The following NRG3 variants were observed in gnomAD, a reference collection of about 807,000 sequenced individuals.
The protein encoded by NRG3 is neuregulin 3, also known as pro-neuregulin-3, membrane-bound isoform.
In NRG3, 31 loss-of-function variants were observed where a neutral mutation model predicts 66.9. The observed-to-expected ratio is 0.46, with a 90% CI of 0.35 to 0.63. The LOEUF (loss-of-function observed/expected upper bound fraction) is 0.63. NRG3 is among the 20% of genes least tolerant of loss of function. NRG3 has a pLI of 0.00. For synonymous variants in NRG3, 393 were observed against 359.4 expected, an observed-to-expected ratio of 1.09 and a Z score of -1.06; for missense variants, 910 against 878.9, an observed-to-expected ratio of 1.04 and a Z score of -0.45.
Position 82,722,592 on chromosome 10 carries a change from C to G in NRG3, c.954-15985C>G, listed in dbSNP as rs546542244. 2.6e-4 allele frequency among the ~76,000 whole-genome samples: 40 copies of G among 152,214 alleles called. No individual in the cohort carries two copies. The South Asian group carries it at 8.3e-3, about 32-fold the overall frequency. On this transcript the variant is annotated intron_variant, in intron 2 of 8. Coordinates refer to ENST00000372141, the MANE Select transcript of NRG3 (RefSeq NM_001010848.4). Reference sequence around the variant, plus strand: ...ATTTTTCTGCTCCAAGCCCCCACCCCTAATCTCCTCATTCACACCCTGAGC... The same window carrying G: ...ATTTTTCTGCTCCAAGCCCCCACCCGTAATCTCCTCATTCACACCCTGAGC...
intron 1 of NRG3, among the ~76,000 whole-genome samples, chr10:82,115,302 C>A (rs2132290951): frequency 6.6e-6 from 1 of 152,198 alleles, no homozygotes; most frequent in Non-Finnish European, 1.5e-5. Context: ...CCAAGAGGCC[C>A]CTTCAAGTAT....
intron 1 of NRG3, among the ~76,000 whole-genome samples, chr10:81,993,469 C>T (rs939461733): frequency 6.6e-6 from 1 of 152,102 alleles, no homozygotes; most frequent in African/African-American, 2.4e-5. Context: ...GCCTTAGCCT[C>T]CTGAGTAGGT....
chr10:82,493,723 C>T (rs1843363714), intron 2 of NRG3, among the ~76,000 whole-genome samples: 1 of 152,128 alleles, frequency 6.6e-6, no homozygotes, highest in South Asian at 2.1e-4. Flanking sequence ...AAAGCAATTG[C>T]AGCAAAAGCA....
At chr10:82,455,648 T>A (rs2091233681) in intron 2 of NRG3, among the ~76,000 whole-genome samples, 1 of 149,742 alleles carries the variant, frequency 6.7e-6, no homozygotes, top group South Asian at 2.1e-4. Flanking sequence ...GGAGTCTCAC[T>A]CTGTCGCCCA....
chr10:82,642,399 A>C (rs1477846946), intron 2 of NRG3, among the ~76,000 whole-genome samples: 2 of 152,126 alleles, frequency 1.3e-5, no homozygotes, highest in Non-Finnish European at 2.9e-5. Context: ...GTTAACATCA[A>C]TAAAACAGAG....
In NRG3 at chr10:82,242,426, G is replaced by C. The variant is rs557677864; in HGVS notation, c.824-116313G>C. Among the ~76,000 whole-genome samples, 14 of 152,302 alleles carry C rather than the reference G, an allele frequency of 9.2e-5. No homozygotes were observed. In the South Asian group the frequency reaches 2.9e-3, roughly 32 times the overall value. ...GGGACAAAGAACATTTCTGTAAATA[G>C]AACAGGCAATGATATTTGCCCATCT... On this transcript the variant is annotated intron_variant, in intron 1 of 8. Coordinates refer to ENST00000372141, the MANE Select transcript of NRG3 (RefSeq NM_001010848.4).
intron 4 of NRG3, among the ~76,000 whole-genome samples, chr10:82,938,911 TG>T (rs1281036071): frequency 6.6e-6 from 1 of 151,774 alleles, no homozygotes; most frequent in Admixed American, 6.6e-5. Flanking sequence ...GGGTAAGGAG[TG>T]GGGGACAGCT....
At chr10:82,273,811 AGTT>A (rs2078714681) in intron 1 of NRG3, among the ~76,000 whole-genome samples, 1 of 152,032 alleles carries the variant, frequency 6.6e-6, no homozygotes, top group South Asian at 2.1e-4. Context: ...AAATGCCACA[AGTT>A]GTTTTTTTCT....
At chr10:82,788,332 G>T (rs995358319) in intron 3 of NRG3, among the ~76,000 whole-genome samples, 3 of 152,172 alleles carry the variant, frequency 2.0e-5, no homozygotes, top group African/African-American at 7.2e-5. Context: ...CATTTTGGGA[G>T]GCCAAGGTGG....
At chr10:82,023,230 A>T (rs2062141301) in intron 1 of NRG3, among the ~76,000 whole-genome samples, 1 of 151,912 alleles carries the variant, frequency 6.6e-6, no homozygotes, top group African/African-American at 2.4e-5. Context: ...CATTTTACTG[A>T]ATTCATTTAT....
chr10:82,348,750 G>A (rs943659569), intron 1 of NRG3, among the ~76,000 whole-genome samples: 3 of 151,048 alleles, frequency 2.0e-5, no homozygotes, highest in Non-Finnish European at 4.4e-5. Context: ...CATATTTCTT[G>A]GAGGCTTTGC....
At chr10:81,980,105 T>C (rs953594926) in intron 1 of NRG3, among the ~76,000 whole-genome samples, 1 of 152,234 alleles carries the variant, frequency 6.6e-6, no homozygotes, top group Non-Finnish European at 1.5e-5. Context: ...CACTTATCTA[T>C]TCCGTTTGAA....
intron 1 of NRG3, among the ~76,000 whole-genome samples, chr10:82,025,408 G>A (rs1279889725): frequency 2.8e-5 from 4 of 143,848 alleles, no homozygotes; most frequent in African/African-American, 1.2e-4. Flanking sequence ...GTTCTACTTT[G>A]GAACATGAGT....
chr10:82,822,577 G>A (rs1383140217), intron 3 of NRG3, among the ~76,000 whole-genome samples: 3 of 152,254 alleles, frequency 2.0e-5, no homozygotes, highest in African/African-American at 7.2e-5. Flanking sequence ...CCTGAGGCAG[G>A]CTCAAGTGGA....
rs539348666 is a variant in NRG3, at chr10:82,486,997, A to G, written c.953+128129A>G. On this transcript the variant is annotated intron_variant, in intron 2 of 8. Coordinates refer to ENST00000372141, the MANE Select transcript of NRG3 (RefSeq NM_001010848.4). ...AGATCTTCTGTAAACCATTGTGCTTATAGTTAACAATACTGTACTGAACAC... is the reference window on the plus strand; with the variant it reads ...AGATCTTCTGTAAACCATTGTGCTTGTAGTTAACAATACTGTACTGAACAC... Among the ~76,000 whole-genome samples the G allele has an allele frequency of 2.8e-4, 43 of 151,600 alleles. No homozygotes were observed. In the South Asian group the frequency reaches 8.7e-3, roughly 31 times the overall value.
At chr10:82,889,572 G>C (rs996092417) in intron 4 of NRG3, among the ~76,000 whole-genome samples, 5 of 152,172 alleles carry the variant, frequency 3.3e-5, no homozygotes, top group African/African-American at 1.2e-4. Context: ...AAATTCCAAA[G>C]TTAGAATGGT....
At chr10:82,850,521 A>G (rs1386718627) in intron 3 of NRG3, among the ~76,000 whole-genome samples, 4 of 152,232 alleles carry the variant, frequency 2.6e-5, no homozygotes, top group Admixed American at 2.6e-4. Context: ...AAAATTACTT[A>G]AAACAAAAAT....
chr10:82,820,664 T>C (rs187862862), intron 3 of NRG3, among the ~76,000 whole-genome samples: 1 of 152,318 alleles, frequency 6.6e-6, no homozygotes, highest in East Asian at 1.9e-4. Flanking sequence ...CAGGAGAAGA[T>C]ATGCCATCAG....
At chr10:82,698,130 T>A (rs1190238416) in intron 2 of NRG3, among the ~76,000 whole-genome samples, 1 of 152,170 alleles carries the variant, frequency 6.6e-6, no homozygotes, top group Non-Finnish European at 1.5e-5. Context: ...TGGTGAAACA[T>A]GTAAATAAGG....
Sources: gnomAD v4.1 joint callset for allele counts (sites outside exome capture counted in the v4.1 genomes callset) on GRCh38, gnomAD v4.1.1 for gene constraint, MANE v1.5 for transcripts, NCBI Gene and HGNC (gene_info 2026-07-23, HGNC 2026-07-21) for gene names.